Variants in MARCHF1 observed in about 807,000 individuals in gnomAD.
MARCHF1 encodes the protein membrane associated ring-CH-type finger 1.
A neutral mutation model predicts 54.2 loss-of-function variants in MARCHF1; 40 were observed. That is an observed-to-expected ratio of 0.74 (90% confidence interval 0.57 to 0.96). MARCHF1 has a LOEUF of 0.96. MARCHF1 is among the 40% of genes least tolerant of loss of function. The pLI is 0.00. For missense variants in MARCHF1, 586 were observed against 656.5 expected (o/e 0.89, Z 1.17); for synonymous variants, 236 against 236.3 (o/e 1.00, Z 0.01).
chr4:163,776,020 A>G (rs2110885934), intron 4 of MARCHF1, among the ~76,000 whole-genome samples: 1 of 152,304 alleles, frequency 6.6e-6, no homozygotes, highest in East Asian at 1.9e-4. Flanking sequence ...TCTGACAAGA[A>G]GATTCTGATA....
intron 5 of MARCHF1, among the ~76,000 whole-genome samples, chr4:163,662,951 GT>G (rs1375978231): frequency 6.7e-6 from 1 of 149,672 alleles, no homozygotes; most frequent in East Asian, 2.0e-4. Context: ...GAGAGATTGT[GT>G]TTGTTTGCCA....
intron 1 of MARCHF1, among the ~76,000 whole-genome samples, chr4:164,142,122 A>G (rs996497049): frequency 6.6e-6 from 1 of 152,186 alleles, no homozygotes; most frequent in African/African-American, 2.4e-5. Context: ...ACGGGCTTAA[A>G]ACACAGCGCA....
In MARCHF1 at chr4:164,307,646, C is replaced by A. The variant is rs574492235; in HGVS notation, c.-323+76224G>T. 1.2e-4 allele frequency among the ~76,000 whole-genome samples: 18 copies of A among 152,118 alleles called. No individual in the cohort carries two copies. The South Asian group carries it at 3.7e-3, about 32-fold the overall frequency. ...CCAATTACAAATAATTCAACAACAA[C>A]AAAAATGCTCCTCTTGTGGATTGTC... On this transcript the variant is annotated intron_variant, in intron 1 of 9. Transcript: ENST00000514618.
intron 1 of MARCHF1, among the ~76,000 whole-genome samples, chr4:164,167,319 G>C (rs772352940): frequency 5.3e-5 from 8 of 151,702 alleles, no homozygotes; most frequent in Non-Finnish European, 1.2e-4. Flanking sequence ...TTTGTGGATG[G>C]GAAGAATTAT....
chr4:164,234,508 C>T (rs1335951835), intron 1 of MARCHF1, among the ~76,000 whole-genome samples: 1 of 151,968 alleles, frequency 6.6e-6, no homozygotes, highest in African/African-American at 2.4e-5. Flanking sequence ...AATAAATGAC[C>T]AATACAGGGT....
At position 163,527,296 on chromosome 4, in the gene MARCHF1, A is replaced by G. The variant is rs189422473; in HGVS notation, c.*1452T>C. ...TAATTACTTATCACAGAATCTGTTG[A>G]ATATTTTTGTTTTCTAACTGAGCAA... On this transcript the variant is annotated 3_prime_UTR_variant, in exon 10 of 10. Coordinates refer to ENST00000514618, the MANE Select transcript of MARCHF1 (RefSeq NM_001394959.1). 2 of 152,188 alleles carry G rather than the reference A, an allele frequency of 1.3e-5. No homozygotes were observed. The highest frequency in any genetic ancestry group is 3.9e-4 in the East Asian group (2 of 5,182). 9.4% of individuals were successfully genotyped at this position (152,188 alleles called of 1,614,324 possible).
chr4:163,883,668 T>G (rs1321600404), intron 3 of MARCHF1, among the ~76,000 whole-genome samples: 1 of 152,210 alleles, frequency 6.6e-6, no homozygotes, highest in Non-Finnish European at 1.5e-5. Flanking sequence ...AGAAAATTTT[T>G]TAGTGTAAGT....
At chr4:163,843,959 AT>A (rs1051267600) in intron 4 of MARCHF1, among the ~76,000 whole-genome samples, 9 of 147,528 alleles carry the variant, frequency 6.1e-5, no homozygotes, top group Admixed American at 4.7e-4. Flanking sequence ...CCCCTTGCTC[AT>A]TTTTTTTCAA....
intron 1 of MARCHF1, among the ~76,000 whole-genome samples, chr4:164,138,929 C>G (rs1164577703): frequency 6.6e-6 from 1 of 152,142 alleles, no homozygotes; most frequent in Non-Finnish European, 1.5e-5. Flanking sequence ...ACAGCCACCA[C>G]AAAATTATTA....
At chr4:163,915,451 A>C (rs1003793570) in intron 3 of MARCHF1, among the ~76,000 whole-genome samples, 1 of 152,170 alleles carries the variant, frequency 6.6e-6, no homozygotes, top group African/African-American at 2.4e-5. Context: ...GAAAAGCAAA[A>C]GGAGACATGA....
chr4:163,740,261 C>T (rs887995512), intron 4 of MARCHF1, among the ~76,000 whole-genome samples: 1 of 152,178 alleles, frequency 6.6e-6, no homozygotes, highest in Non-Finnish European at 1.5e-5. Context: ...TGCTATTCAC[C>T]ATTATATGTT....
At chr4:163,757,985 A>G (rs960138133) in intron 4 of MARCHF1, among the ~76,000 whole-genome samples, 1 of 151,486 alleles carries the variant, frequency 6.6e-6, no homozygotes, top group African/African-American at 2.4e-5. Flanking sequence ...TTTTCTGTTT[A>G]CGTATAGTAA....
chr4:164,000,018 A>T (rs1753155817), intron 2 of MARCHF1, among the ~76,000 whole-genome samples: 1 of 151,868 alleles, frequency 6.6e-6, no homozygotes, highest in East Asian at 1.9e-4. Context: ...AATCAGATTG[A>T]TCATGGATCC....
At chr4:163,559,909 A>G (rs1190491055) in intron 8 of MARCHF1, among the ~76,000 whole-genome samples, 1 of 151,830 alleles carries the variant, frequency 6.6e-6, no homozygotes, top group Non-Finnish European at 1.5e-5. Flanking sequence ...TTTCTTGCCC[A>G]TTTTTCTTTG....
At chr4:163,972,169 A>G (rs1319380017) in intron 3 of MARCHF1, among the ~76,000 whole-genome samples, 2 of 151,750 alleles carry the variant, frequency 1.3e-5, no homozygotes, top group Non-Finnish European at 2.9e-5. Context: ...GGACACAGGG[A>G]GGGGAACATC....
intron 1 of MARCHF1, among the ~76,000 whole-genome samples, chr4:164,243,386 T>A (rs1330509443): frequency 1.3e-5 from 2 of 150,154 alleles, no homozygotes; most frequent in African/African-American, 2.5e-5. Flanking sequence ...CTAAGCTTCA[T>A]AAGTGAAGGA....
chr4:163,941,331 G>C (rs1157662332), intron 3 of MARCHF1, among the ~76,000 whole-genome samples: 2 of 152,046 alleles, frequency 1.3e-5, no homozygotes, highest in East Asian at 1.9e-4. Context: ...ACTGAACGGA[G>C]TCAAATAAGT....
chr4:164,077,591 G>T (rs1032705138), intron 2 of MARCHF1, among the ~76,000 whole-genome samples: 1 of 152,124 alleles, frequency 6.6e-6, no homozygotes, highest in African/African-American at 2.4e-5. Context: ...GAGTGAACAG[G>T]CAACCTACAG....
intron 1 of MARCHF1, among the ~76,000 whole-genome samples, chr4:164,207,890 A>G (rs1002702361): frequency 6.6e-6 from 1 of 152,188 alleles, no homozygotes; most frequent in African/African-American, 2.4e-5. Context: ...TAACCTTGTG[A>G]TGAAATAATC....
Sources: allele counts gnomAD v4.1 joint callset (sites outside exome capture counted in the v4.1 genomes callset), GRCh38; gene constraint gnomAD v4.1.1; transcripts MANE v1.5; gene names NCBI Gene and HGNC (gene_info 2026-07-23, HGNC 2026-07-21).